Variants in MACROD2 observed in about 807,000 individuals in gnomAD.
The protein encoded by MACROD2 is mono-ADP ribosylhydrolase 2.
In MACROD2, 36 loss-of-function variants were observed where a neutral mutation model predicts 70.4. That is an observed-to-expected ratio of 0.51 (90% confidence interval 0.39 to 0.68). The LOEUF is 0.68. Ranked by LOEUF, MACROD2 falls within the 30% of genes least tolerant of loss-of-function variation. The probability of loss-of-function intolerance (pLI) is 0.00; values close to 1 mark genes in which losing one functional copy is unlikely to be tolerated. For synonymous variants in MACROD2, 172 were observed against 178.8 expected, an observed-to-expected ratio of 0.96 and a Z score of 0.30; for missense variants, 496 against 538.4, an observed-to-expected ratio of 0.92 and a Z score of 0.78.
chr20:14,773,673 G>C (rs1291650902), intron 5 of MACROD2, among the ~76,000 whole-genome samples: 3 of 152,014 alleles, frequency 2.0e-5, no homozygotes, highest in African/African-American at 7.3e-5. Context: ...TCAAGTGATA[G>C]AGTGACTCAC....
intron 8 of MACROD2, among the ~76,000 whole-genome samples, chr20:15,677,604 C>G (rs2050079235): frequency 6.6e-6 from 1 of 152,058 alleles, no homozygotes; most frequent in South Asian, 2.1e-4. Context: ...ACCAGAATCC[C>G]AGCCCATACC....
chr20:15,765,592 A>G (rs544429471), intron 8 of MACROD2, among the ~76,000 whole-genome samples: 2 of 152,336 alleles, frequency 1.3e-5, no homozygotes, highest in East Asian at 1.9e-4. Context: ...TATAAATACT[A>G]TGATTATCCT....
chr20:15,795,318 T>TAAAGAAG (rs2063663018), intron 8 of MACROD2, among the ~76,000 whole-genome samples: 2 of 152,110 alleles, frequency 1.3e-5, no homozygotes, highest in Non-Finnish European at 2.9e-5. Flanking sequence ...TCTATAGATA[T>TAAAGAAG]CTGACTAAAG....
intron 3 of MACROD2, among the ~76,000 whole-genome samples, chr20:14,277,147 CA>C (rs1020099983): frequency 2.9e-3 from 429 of 149,294 alleles, no homozygotes; most frequent in African/African-American, 9.8e-3. Context: ...ACTAAAAATA[CA>C]AAAAAAAAAT....
intron 8 of MACROD2, among the ~76,000 whole-genome samples, chr20:15,709,886 C>T (rs867627325): frequency 6.6e-6 from 1 of 151,972 alleles, no homozygotes; most frequent in African/African-American, 2.4e-5. Context: ...CTTATTTGTC[C>T]TATCAGGCTC....
At chr20:14,812,056 A>T (rs1004872779) in intron 5 of MACROD2, among the ~76,000 whole-genome samples, 2 of 152,088 alleles carry the variant, frequency 1.3e-5, no homozygotes, top group Non-Finnish European at 2.9e-5. Flanking sequence ...ATACCATTTG[A>T]CCCAGCCATC....
chr20:14,876,359 G>A (rs1010747544), intron 5 of MACROD2, among the ~76,000 whole-genome samples: 3 of 152,022 alleles, frequency 2.0e-5, no homozygotes, highest in Non-Finnish European at 4.4e-5. Flanking sequence ...TATAGATTGT[G>A]GATATTAAGT....
At chr20:15,272,896 A>G (rs1479940268) in intron 6 of MACROD2, among the ~76,000 whole-genome samples, 1 of 152,196 alleles carries the variant, frequency 6.6e-6, no homozygotes, top group African/African-American at 2.4e-5. Context: ...GGCTCCCACT[A>G]TCCTAATCCT....
At chr20:14,738,646 T>C (rs781507451) in intron 5 of MACROD2, among the ~76,000 whole-genome samples, 2 of 152,068 alleles carry the variant, frequency 1.3e-5, no homozygotes, top group Non-Finnish European at 2.9e-5. Flanking sequence ...TACCAATTTC[T>C]TTGAGTCTGT....
chr20:15,855,437 G>A (rs1342933420), intron 8 of MACROD2, among the ~76,000 whole-genome samples: 2 of 152,170 alleles, frequency 1.3e-5, no homozygotes, highest in Non-Finnish European at 2.9e-5. Context: ...AGGTCAGCTT[G>A]TAAAGGACTT....
At chr20:15,962,907 C>A (rs913674201) in intron 12 of MACROD2, among the ~76,000 whole-genome samples, 3 of 152,184 alleles carry the variant, frequency 2.0e-5, no homozygotes, top group Non-Finnish European at 4.4e-5. Flanking sequence ...CAGTTCAGAT[C>A]ATCAGCATCA....
intron 5 of MACROD2, among the ~76,000 whole-genome samples, chr20:14,719,188 G>A (rs922475242): frequency 6.6e-6 from 1 of 151,568 alleles, no homozygotes; most frequent in African/African-American, 2.4e-5. Context: ...GCGAGATCGC[G>A]CCACTGCACT....
intron 5 of MACROD2, among the ~76,000 whole-genome samples, chr20:14,968,621 G>A (rs968116138): frequency 1.3e-5 from 2 of 152,126 alleles, no homozygotes; most frequent in African/African-American, 4.8e-5. Flanking sequence ...TCACCTGAAG[G>A]GCTTGTTCAA....
intron 3 of MACROD2, among the ~76,000 whole-genome samples, chr20:14,334,523 G>T (rs1183941334): frequency 6.6e-6 from 1 of 152,100 alleles, no homozygotes; most frequent in African/African-American, 2.4e-5. Flanking sequence ...CCACTGGGGG[G>T]TGGTACACTC....
intron 2 of MACROD2, among the ~76,000 whole-genome samples, chr20:14,034,737 G>A (rs562389856): frequency 6.6e-6 from 1 of 152,286 alleles, no homozygotes; most frequent in South Asian, 2.1e-4. Flanking sequence ...GCTAGGCACT[G>A]TTCTAAGTGG....
intron 5 of MACROD2, among the ~76,000 whole-genome samples, chr20:14,862,116 TAAATATATAATATATATAAATATATA>T: frequency 3.5e-4 from 1 of 2,850 alleles, no homozygotes; most frequent in South Asian, 3.8e-3. Flanking sequence ...CATAAATATA[TAAATATATAATATATATAAATATATA>T]TTATACATAA....
intron 15 of MACROD2, among the ~76,000 whole-genome samples, chr20:16,011,704 C>A (rs2066865514): frequency 6.6e-6 from 1 of 152,118 alleles, no homozygotes; most frequent in Non-Finnish European, 1.5e-5. Flanking sequence ...ATCCAGATGC[C>A]CTTGAGGCAA....
At chr20:16,009,968 C>T (rs2066840908) in intron 15 of MACROD2, among the ~76,000 whole-genome samples, 1 of 152,026 alleles carries the variant, frequency 6.6e-6, no homozygotes, top group African/African-American at 2.4e-5. Flanking sequence ...CTGGGAGAGA[C>T]AGTGGTATGT....
At chr20:14,947,416 G>A (rs1426158883) in intron 5 of MACROD2, among the ~76,000 whole-genome samples, 2 of 152,238 alleles carry the variant, frequency 1.3e-5, no homozygotes, top group East Asian at 1.9e-4. Flanking sequence ...TTCCATACAC[G>A]GGGGCACCAG....
Sources: gnomAD v4.1 joint callset for allele counts (sites outside exome capture counted in the v4.1 genomes callset) on GRCh38, gnomAD v4.1.1 for gene constraint, MANE v1.5 for transcripts, NCBI Gene and HGNC (gene_info 2026-07-23, HGNC 2026-07-21) for gene names.